The following TCF12 variants were observed in gnomAD, a reference collection of about 807,000 sequenced individuals.
TCF12 encodes DNA-binding protein HTF4.
In TCF12, 45 loss-of-function variants were observed where a neutral mutation model predicts 86.0. The ratio of observed to expected loss-of-function variants is 0.52; its 90% CI spans 0.41 to 0.67. The LOEUF (loss-of-function observed/expected upper bound fraction) is 0.67. TCF12 is among the 30% of genes least tolerant of loss of function. The pLI, the probability that TCF12 is intolerant of heterozygous loss-of-function variation, is 0.00. For synonymous variants in TCF12, 330 were observed against 299.6 expected, an observed-to-expected ratio of 1.10 and a Z score of -1.05; for missense variants, 881 against 859.9, an observed-to-expected ratio of 1.02 and a Z score of -0.31.
At chr15:57,277,127 A>G (rs1378411609) in intron 19 of TCF12, among the ~76,000 whole-genome samples, 1 of 152,068 alleles carries the variant, frequency 6.6e-6, no homozygotes, top group African/African-American at 2.4e-5. Context: ...AGAATTCTAT[A>G]CCTTGCCAGA....
chr15:57,242,172 A>C lies in TCF12; in HGVS notation c.1036-1300A>C, dbSNP rs181847564. 1.2e-3 allele frequency among the ~76,000 whole-genome samples: 180 copies of C among 152,270 alleles called. 2 individuals are homozygous for C. The highest frequency in any genetic ancestry group is 6.3e-3 in the Admixed American group (96 of 15,294). On this transcript the variant is annotated intron_variant, in intron 12 of 20. Coordinates refer to ENST00000333725, the MANE Select transcript of TCF12 (RefSeq NM_207037.2). ...CTCTTTAAATTCATTAGAGCTCTTA[A>C]GTTTATTCAAAGCAAGGTCATTTCT...
intron 5 of TCF12, chr15:57,134,584 T>A (rs2052382989): frequency 6.6e-6 from 1 of 152,200 alleles, no homozygotes; most frequent in African/African-American, 2.4e-5. Context: ...ATTGCCTTAT[T>A]TTTTTAATGA....
intron 5 of TCF12, among the ~76,000 whole-genome samples, chr15:57,160,969 C>CA (rs2054466367): frequency 6.6e-6 from 1 of 152,150 alleles, no homozygotes; most frequent in Admixed American, 6.5e-5. Context: ...GGATTACAGG[C>CA]ATGAGCCACA....
chr15:57,220,441 T>A (rs1440141339), intron 8 of TCF12, among the ~76,000 whole-genome samples: 1 of 152,182 alleles, frequency 6.6e-6, no homozygotes, highest in African/African-American at 2.4e-5. Context: ...ACCATCTGTT[T>A]CCAATCAAAC....
chr15:57,272,227 T>A (rs1312350572), intron 18 of TCF12, among the ~76,000 whole-genome samples: 3 of 152,224 alleles, frequency 2.0e-5, no homozygotes, highest in Admixed American at 6.5e-5. Context: ...TCTGTGATCA[T>A]CTCCCTTTAC....
intron 5 of TCF12, among the ~76,000 whole-genome samples, chr15:57,150,588 T>C (rs1486089516): frequency 1.3e-5 from 2 of 152,094 alleles, no homozygotes; most frequent in South Asian, 4.2e-4. Flanking sequence ...ATAAACATTT[T>C]AAGGTCTGGC....
At chr15:57,069,464 A>G (rs1263034930) in intron 4 of TCF12, among the ~76,000 whole-genome samples, 1 of 152,232 alleles carries the variant, frequency 6.6e-6, no homozygotes, top group Non-Finnish European at 1.5e-5. Context: ...TTGCAGAATG[A>G]AACAGTCATT....
At chr15:57,203,258 C>CT (rs1202154566) in intron 8 of TCF12, among the ~76,000 whole-genome samples, 4 of 151,594 alleles carry the variant, frequency 2.6e-5, no homozygotes, top group Admixed American at 1.3e-4. Context: ...GGAGTCGACA[C>CT]TTTTTTTTTC....
chr15:57,140,763 A>C (rs1432595491), intron 5 of TCF12, among the ~76,000 whole-genome samples: 1 of 152,242 alleles, frequency 6.6e-6, no homozygotes, highest in Non-Finnish European at 1.5e-5. Flanking sequence ...ATGCTGAGAT[A>C]ATTGGTTTGC....
intron 3 of TCF12, among the ~76,000 whole-genome samples, chr15:57,050,132 A>G (rs1188861074): frequency 1.3e-5 from 2 of 152,174 alleles, no homozygotes; most frequent in Non-Finnish European, 2.9e-5. Flanking sequence ...ATTCTTTGTC[A>G]TACAAATGTT....
intron 8 of TCF12, among the ~76,000 whole-genome samples, chr15:57,211,278 C>T (rs558810141): frequency 6.6e-6 from 1 of 152,002 alleles, no homozygotes; most frequent in South Asian, 2.1e-4. Context: ...GTTGATAGGG[C>T]AGGGAGCAGG....
At chr15:56,971,940 A>G (rs1038207058) in intron 3 of TCF12, among the ~76,000 whole-genome samples, 1 of 152,120 alleles carries the variant, frequency 6.6e-6, no homozygotes, top group African/African-American at 2.4e-5. Context: ...CACTAGGGAT[A>G]TGGGGTTTTT....
chr15:56,987,547 G>C (rs2063254522), intron 3 of TCF12, among the ~76,000 whole-genome samples: 1 of 152,112 alleles, frequency 6.6e-6, no homozygotes, highest in Non-Finnish European at 1.5e-5. Context: ...TCTTGTTGCT[G>C]CTATTTTATT....
rs1172206511 is a variant in TCF12 at position 57,077,327 on chromosome 15, A to ATGTGTGTGTGTG, written c.222+13540_222+13551dup. 9.0e-4 allele frequency among the ~76,000 whole-genome samples: 23 copies of ATGTGTGTGTGTG among 25,698 alleles called. 1 individual carries two copies. Among genetic ancestry groups the ATGTGTGTGTGTG allele is most frequent in the Non-Finnish European group, 1.1e-3 (19 of 16,950 alleles). 16.9% of individuals were successfully genotyped at this position (25,698 alleles called of 152,430 possible). A position where few individuals can be genotyped will look rare whatever the true frequency, so the allele number is the denominator to read the frequency against. On this transcript the variant is annotated intron_variant, in intron 4 of 20. Transcript: ENST00000333725. The stretch of plus-strand genomic sequence containing the variant: ...TTACTTTCCATATATATGTATATAT[A>ATGTGTGTGTGTG]TGTGTGTGTGTGTGTGTGTGTGTGT...
intron 12 of TCF12, among the ~76,000 whole-genome samples, chr15:57,240,895 A>C (rs1357591340): frequency 2.0e-5 from 3 of 150,946 alleles, no homozygotes; most frequent in East Asian, 3.9e-4. Flanking sequence ...AAAAAAAAAA[A>C]AAAAAAGAAA....
intron 3 of TCF12, among the ~76,000 whole-genome samples, chr15:56,967,898 CT>C (rs1224832086): frequency 6.6e-6 from 1 of 151,946 alleles, no homozygotes; most frequent in Non-Finnish European, 1.5e-5. Context: ...AGGAAATTGT[CT>C]TTTAGCTAGA....
Position 56,950,745 on chromosome 15 carries a change from G to GCTTTTTTTTTTTTTTT in TCF12, c.148+29647_148+29648insCTTTTTTTTTTTTTTT, listed in dbSNP as rs1555455322. ...TTACAAATAAAGCTATTATGACCAT[G>GCTTTTTTTTTTTTTTT]TTTTTTTTTTTTTTTTTTTTTTTTT... On this transcript the variant is annotated intron_variant, in intron 3 of 20. Transcript: ENST00000333725. Among the ~76,000 whole-genome samples, 22 of 85,900 alleles carry GCTTTTTTTTTTTTTTT rather than the reference G, an allele frequency of 2.6e-4. 11 individuals are homozygous for GCTTTTTTTTTTTTTTT. Among genetic ancestry groups the GCTTTTTTTTTTTTTTT allele is most frequent in the African/African-American group, 4.2e-4 (8 of 19,194 alleles). The allele number at this position is 85,900 out of a possible 152,430, so 56.4% of individuals were successfully genotyped here. A position where few individuals can be genotyped will look rare whatever the true frequency, so the allele number is the denominator to read the frequency against.
chr15:57,248,256 C>T (rs1322077002), intron 13 of TCF12, among the ~76,000 whole-genome samples: 1 of 152,104 alleles, frequency 6.6e-6, no homozygotes, highest in African/African-American at 2.4e-5. Flanking sequence ...CTGGATTTGT[C>T]CCTGGGGCTA....
At chr15:56,985,029 A>G (rs1172860464) in intron 3 of TCF12, among the ~76,000 whole-genome samples, 7 of 152,250 alleles carry the variant, frequency 4.6e-5, no homozygotes, top group Admixed American at 4.6e-4. Context: ...TGAATCAGTC[A>G]GAGGAAATGA....
Sources: gnomAD v4.1 joint callset for allele counts (sites outside exome capture counted in the v4.1 genomes callset) on GRCh38, gnomAD v4.1.1 for gene constraint, MANE v1.5 for transcripts, NCBI Gene and HGNC (gene_info 2026-07-23, HGNC 2026-07-21) for gene names.